The following CRYZL1 variants were observed in gnomAD, a reference collection of about 807,000 sequenced individuals.
CRYZL1 encodes the protein ferry endosomal RAB5 effector complex subunit 4.
In CRYZL1, 34 loss-of-function variants were observed where a neutral mutation model predicts 50.6. The observed-to-expected ratio is 0.67, with a 90% CI of 0.51 to 0.89. CRYZL1 has a LOEUF of 0.89. Ranked by LOEUF, CRYZL1 falls within the 40% of genes least tolerant of loss-of-function variation. CRYZL1 has a pLI of 0.00. For synonymous variants in CRYZL1, 125 were observed against 134.3 expected, an observed-to-expected ratio of 0.93 and a Z score of 0.48; for missense variants, 354 against 402.3, an observed-to-expected ratio of 0.88 and a Z score of 1.03.
At chr21:33,611,747 C>T (rs1324260682) in intron 6 of CRYZL1, among the ~76,000 whole-genome samples, 1 of 152,190 alleles carries the variant, frequency 6.6e-6, no homozygotes, top group Non-Finnish European at 1.5e-5. Context: ...CACTGGAGTC[C>T]TGGTGTATCC....
chr21:33,639,022 C>G (rs1003102528), intron 1 of CRYZL1, among the ~76,000 whole-genome samples: 1 of 152,194 alleles, frequency 6.6e-6, no homozygotes, highest in Middle Eastern at 3.2e-3. Flanking sequence ...ATCTCTACAT[C>G]TTATGCAACT....
chr21:33,625,039 A>C (rs1028978806), intron 2 of CRYZL1, among the ~76,000 whole-genome samples: 3 of 152,248 alleles, frequency 2.0e-5, no homozygotes, highest in African/African-American at 4.8e-5. Context: ...TAGGATAACA[A>C]AGTAAAGCAG....
chr21:33,621,831 T>C (rs2087006055), intron 4 of CRYZL1, among the ~76,000 whole-genome samples, 165 bp downstream of exon 4: 2 of 152,024 alleles, frequency 1.3e-5, no homozygotes, highest in South Asian at 2.1e-4. Flanking sequence ...CAGAGAGACC[T>C]TGTCTCTCAA....
intron 2 of CRYZL1, among the ~76,000 whole-genome samples, chr21:33,625,689 G>A (rs1055761297): frequency 1.3e-5 from 2 of 151,442 alleles, no homozygotes; most frequent in East Asian, 3.9e-4. Flanking sequence ...TTGCTATGTT[G>A]CCCAGGCTGG....
At chr21:33,593,314 G>A (rs1218526147) in intron 11 of CRYZL1, among the ~76,000 whole-genome samples, 1 of 151,886 alleles carries the variant, frequency 6.6e-6, no homozygotes, top group Non-Finnish European at 1.5e-5. Context: ...CACCATGTTC[G>A]CCAGGATGGT....
intron 8 of CRYZL1, among the ~76,000 whole-genome samples, chr21:33,599,910 T>C (rs745317081): frequency 3.3e-5 from 5 of 152,068 alleles, no homozygotes; most frequent in Non-Finnish European, 7.4e-5. Flanking sequence ...CCTGGGATTA[T>C]AGGGTGAGCC....
intron 8 of CRYZL1, among the ~76,000 whole-genome samples, chr21:33,599,817 T>C (rs1232659187): frequency 6.6e-6 from 1 of 151,838 alleles, no homozygotes; most frequent in Non-Finnish European, 1.5e-5. Context: ...TTTTTTTTTG[T>C]AGGGAGAGGG....
At chr21:33,636,171 G>A (rs189658249) in intron 1 of CRYZL1, among the ~76,000 whole-genome samples, 35 of 152,220 alleles carry the variant, frequency 2.3e-4, no homozygotes, top group African/African-American at 8.4e-4. Context: ...GCTGGGGTAG[G>A]AGGACTGCTT....
chr21:33,605,663 A>G (rs537209511), intron 6 of CRYZL1, among the ~76,000 whole-genome samples: 1 of 151,272 alleles, frequency 6.6e-6, no homozygotes, highest in South Asian at 2.1e-4. Context: ...CTGGGATTAC[A>G]GGTGCACACC....
At chr21:33,636,533 T>C (rs966436705) in intron 1 of CRYZL1, among the ~76,000 whole-genome samples, 2 of 152,190 alleles carry the variant, frequency 1.3e-5, no homozygotes, top group Non-Finnish European at 2.9e-5. Context: ...ATTTTTATAT[T>C]GGCCATACAG....
intron 1 of CRYZL1, among the ~76,000 whole-genome samples, chr21:33,636,933 A>G (rs1000306470): frequency 2.3e-4 from 35 of 152,100 alleles, no homozygotes; most frequent in African/African-American, 8.0e-4. Flanking sequence ...CAGCTTCCCG[A>G]GTAGCTGGGA....
chr21:33,592,364 T>G (rs925954183), intron 11 of CRYZL1, among the ~76,000 whole-genome samples: 7 of 151,970 alleles, frequency 4.6e-5, no homozygotes, highest in Non-Finnish European at 4.4e-5. Context: ...CTCAAACTCC[T>G]GAGATGAAGC....
intron 8 of CRYZL1, among the ~76,000 whole-genome samples, chr21:33,601,918 A>G (rs1464011504): frequency 6.9e-6 from 1 of 145,216 alleles, no homozygotes; most frequent in Non-Finnish European, 1.5e-5. Context: ...CCCTGTTTCA[A>G]AAAAAAAAAA....
chr21:33,599,267 C>T lies in CRYZL1; in HGVS notation c.578-19G>A, dbSNP rs1193893192. On this transcript the variant is annotated intron_variant, in intron 8 of 12. Coordinates refer to ENST00000381554, the MANE Select transcript of CRYZL1 (RefSeq NM_145858.3). ...ACTCGGGCTGTAAAGGACAGGAAAT[C>T]AGGCAATTGTACTGTTCTCTATGTG... 1.2e-6 allele frequency: 2 copies of T among 1,613,828 alleles called. No individual in the cohort carries two copies. The highest frequency in any genetic ancestry group is 1.7e-6 in the Non-Finnish European group (2 of 1,179,836).
At chr21:33,593,291 A>G (rs1851183959) in intron 11 of CRYZL1, among the ~76,000 whole-genome samples, 1 of 151,896 alleles carries the variant, frequency 6.6e-6, no homozygotes, top group African/African-American at 2.4e-5. Flanking sequence ...TATTTTTAGT[A>G]GAGAAGGGGT....
intron 11 of CRYZL1, among the ~76,000 whole-genome samples, chr21:33,591,929 CA>C (rs2086646811): frequency 6.9e-6 from 1 of 145,218 alleles, no homozygotes; most frequent in Non-Finnish European, 1.5e-5. Context: ...GCACTCCAGC[CA>C]GGGCAACAGA....
intron 5 of CRYZL1, 143 bp from the exon 6 acceptor site, chr21:33,613,749 A>G (rs935146145): frequency 1.6e-6 from 1 of 638,774 alleles, no homozygotes; most frequent in Non-Finnish European, 2.8e-6. Context: ...AAATTCAGAA[A>G]TGGGATGGGA....
At chr21:33,624,885 A>G in intron 2 of CRYZL1, 125 bp from the exon 3 acceptor site, 1 of 1,280,108 alleles carries the variant, frequency 7.8e-7, no homozygotes. Context: ...CTCACAGCTA[A>G]TTTTAACAAC....
intron 6 of CRYZL1, among the ~76,000 whole-genome samples, chr21:33,605,603 C>T (rs1278979488): frequency 2.4e-4 from 30 of 124,880 alleles, no homozygotes; most frequent in African/African-American, 9.2e-4. Context: ...CTCACTGCAC[C>T]CTCCCCCTCC....
Sources: allele counts gnomAD v4.1 joint callset (sites outside exome capture counted in the v4.1 genomes callset), GRCh38; gene constraint gnomAD v4.1.1; transcripts MANE v1.5; gene names NCBI Gene and HGNC (gene_info 2026-07-23, HGNC 2026-07-21).